Variants in SIPA1L2 observed in about 807,000 individuals in gnomAD.
The protein encoded by SIPA1L2 is signal induced proliferation associated 1 like 2.
Under a neutral mutation model 163.9 loss-of-function variants are expected in SIPA1L2, and 56 were observed. The ratio of observed to expected loss-of-function variants is 0.34; its 90% CI spans 0.28 to 0.43. The LOEUF (loss-of-function observed/expected upper bound fraction) is 0.43. Ranked by LOEUF, SIPA1L2 falls within the 20% of genes least tolerant of loss-of-function variation. The pLI is 1.00. For missense variants in SIPA1L2, 1,974 were observed against 2,193.5 expected (o/e 0.90, Z 2.00); for synonymous variants, 877 against 865.7 (o/e 1.01, Z -0.23).
chr1:232,570,983 G>A (rs539067733), intron 2 of SIPA1L2, among the ~76,000 whole-genome samples: 7 of 144,960 alleles, frequency 4.8e-5, no homozygotes, highest in African/African-American at 1.8e-4. Context: ...CTTAGGGAGA[G>A]ACTGAGAGAC....
intron 1 of SIPA1L2, among the ~76,000 whole-genome samples, chr1:232,626,426 T>A (rs1311836730): frequency 1.3e-5 from 2 of 152,004 alleles, no homozygotes; most frequent in Non-Finnish European, 2.9e-5. Context: ...AGGAATTGGG[T>A]TGCACTAAAT....
intron 2 of SIPA1L2, among the ~76,000 whole-genome samples, chr1:232,538,552 G>T (rs753635260): frequency 6.6e-6 from 1 of 152,014 alleles, no homozygotes; most frequent in African/African-American, 2.4e-5. Flanking sequence ...TTCACCACTG[G>T]CACTCAAATG....
chr1:232,499,978 C>T (rs1055251094), intron 3 of SIPA1L2, among the ~76,000 whole-genome samples: 1 of 144,466 alleles, frequency 6.9e-6, no homozygotes, highest in African/African-American at 2.5e-5. Context: ...GTATGGTTTA[C>T]TGACTTTTTT....
intron 2 of SIPA1L2, among the ~76,000 whole-genome samples, chr1:232,568,735 T>A (rs12081377): frequency 0.23 from 35,501 of 152,032 alleles, 4,364 homozygotes; most frequent in South Asian, 0.37. Context: ...TCTCTTTCTA[T>A]ACATCTTTTT....
chr1:232,436,780 C>G (rs1474366375), intron 15 of SIPA1L2, among the ~76,000 whole-genome samples: 3 of 152,206 alleles, frequency 2.0e-5, no homozygotes, highest in Admixed American at 6.5e-5. Context: ...CTCCTCGCCT[C>G]CTGTGCAGCT....
chr1:232,477,750 A>G (rs974711629), intron 7 of SIPA1L2, among the ~76,000 whole-genome samples: 1 of 152,190 alleles, frequency 6.6e-6, no homozygotes, highest in Non-Finnish European at 1.5e-5. Context: ...ACAGATTTTG[A>G]TTACGCTTCA....
rs1177206647 is a variant in SIPA1L2, at chr1:232,487,690, C to T, written c.1806+3184G>A. 2.6e-5 allele frequency among the ~76,000 whole-genome samples: 4 copies of T among 151,904 alleles called. No homozygotes were observed. The South Asian group carries it at 6.2e-4, about 24-fold the overall frequency. On this transcript the variant is annotated intron_variant, in intron 5 of 22. Coordinates refer to ENST00000674635, the MANE Select transcript of SIPA1L2 (RefSeq NM_020808.5). ...AAATTATGTAGATAAAGTAGCAAAA[C>T]GTCTTGTTTAATAATTACTTTCCTG... is the stretch of plus-strand genomic sequence containing the variant.
chr1:232,621,570 T>C (rs1408694708), intron 1 of SIPA1L2, among the ~76,000 whole-genome samples: 1 of 151,986 alleles, frequency 6.6e-6, no homozygotes, highest in Non-Finnish European at 1.5e-5. Flanking sequence ...GGGAAAAAAA[T>C]CCCACCAGCC....
chr1:232,451,617 AC>A (rs757465224), intron 10 of SIPA1L2, among the ~76,000 whole-genome samples: 35 of 152,176 alleles, frequency 2.3e-4, no homozygotes, highest in Non-Finnish European at 4.1e-4. Flanking sequence ...AAAAATTCAG[AC>A]CTCATTGATA....
chr1:232,588,533 CAG>C (rs1283747638), intron 1 of SIPA1L2, among the ~76,000 whole-genome samples: 1 of 152,156 alleles, frequency 6.6e-6, no homozygotes, highest in Non-Finnish European at 1.5e-5. Flanking sequence ...ATACCTAAAA[CAG>C]AGTTTTTAAA....
rs546262644 is a variant in SIPA1L2, at chr1:232,620,210, C to T, written c.-319+9659G>A. Among the ~76,000 whole-genome samples the T allele has an allele frequency of 1.5e-4, 23 of 152,186 alleles. No individual in the cohort carries two copies. In the South Asian group the frequency reaches 2.5e-3, roughly 17 times the overall value. Reference sequence around the variant, plus strand: ...ATTTTTTTAAATTACCATTTTTCTCCGTAGTTTTACCTGTTCCAAAAAGGA... The same window carrying T: ...ATTTTTTTAAATTACCATTTTTCTCTGTAGTTTTACCTGTTCCAAAAAGGA... On this transcript the variant is annotated intron_variant, in intron 1 of 22. Coordinates refer to ENST00000674635, the MANE Select transcript of SIPA1L2 (RefSeq NM_020808.5).
At chr1:232,439,728 CTT>C (rs1311753921) in intron 14 of SIPA1L2, among the ~76,000 whole-genome samples, 1 of 152,178 alleles carries the variant, frequency 6.6e-6, no homozygotes, top group Non-Finnish European at 1.5e-5. Context: ...ATCTTTAAGT[CTT>C]TAATTATTTG....
intron 1 of SIPA1L2, among the ~76,000 whole-genome samples, chr1:232,614,207 G>C (rs980806735): frequency 2.6e-5 from 4 of 152,064 alleles, no homozygotes; most frequent in African/African-American, 9.6e-5. Context: ...AAAGATAAAG[G>C]GTTTTGGCTG....
chr1:232,428,455 A>G lies in SIPA1L2; in HGVS notation c.4366T>C (p.Leu1456=). The G allele has an allele frequency of 1.3e-6, 2 of 1,586,808 alleles. No homozygotes were observed. Among genetic ancestry groups the G allele is most frequent in the Non-Finnish European group, 1.7e-6 (2 of 1,167,472 alleles). ...ACTAAGGGGCTGTCAGGAAGCATCA[A>G]TTTCAGAAAATCTTCTTTAGACAGA... ...HVLSKEDFLK[L]MLPDSPLVEE... is the part of the protein sequence containing the mutation. The change falls in exon 17 of 23, where the codon TTG becomes CTG. Residue 1456 remains leucine, a synonymous_variant. Coordinates refer to ENST00000674635, the MANE Select transcript of SIPA1L2 (RefSeq NM_020808.5).
intron 9 of SIPA1L2, among the ~76,000 whole-genome samples, chr1:232,462,848 C>T (rs1238752628): frequency 6.6e-6 from 1 of 152,174 alleles, no homozygotes; most frequent in Non-Finnish European, 1.5e-5. Flanking sequence ...GGCTCTTCTG[C>T]TCATTTCCTC....
chr1:232,587,284 C>A (rs1009568708), intron 1 of SIPA1L2, among the ~76,000 whole-genome samples: 1 of 152,174 alleles, frequency 6.6e-6, no homozygotes. Context: ...ACTCCAGGAA[C>A]TCTCTTACAC....
intron 3 of SIPA1L2, among the ~76,000 whole-genome samples, chr1:232,495,521 C>A (rs950569484): frequency 6.6e-6 from 1 of 150,810 alleles, no homozygotes; most frequent in Admixed American, 6.6e-5. Flanking sequence ...GCCGAGATCA[C>A]CCCACTGCAC....
At chr1:232,441,451 A>G (rs1662888917) in intron 13 of SIPA1L2, 57 bp from the exon 14 acceptor site, 11 of 1,387,772 alleles carry the variant, frequency 7.9e-6, no homozygotes, top group African/African-American at 2.9e-5. Flanking sequence ...CCAAAAGAGT[A>G]AAGAAAACCA....
At chr1:232,487,090 C>G (rs1665680426) in intron 5 of SIPA1L2, among the ~76,000 whole-genome samples, 1 of 152,238 alleles carries the variant, frequency 6.6e-6, no homozygotes, top group Non-Finnish European at 1.5e-5. Flanking sequence ...AAAATATCCA[C>G]TTGTCAAAAT....
Sources: allele counts gnomAD v4.1 joint callset (sites outside exome capture counted in the v4.1 genomes callset), GRCh38; gene constraint gnomAD v4.1.1; transcripts MANE v1.5; gene names NCBI Gene and HGNC (gene_info 2026-07-23, HGNC 2026-07-21).